The following ARHGEF10 variants were observed in gnomAD, a reference collection of about 807,000 sequenced individuals.
ARHGEF10 encodes Rho guanine nucleotide exchange factor (GEF) 10.
ARHGEF10 carries 140 observed loss-of-function variants against 147.4 expected under a neutral mutation model. The observed-to-expected ratio is 0.95, with a 90% confidence interval of 0.83 to 1.09. ARHGEF10 has a LOEUF of 1.09. Among genes scored for constraint, ARHGEF10 ranks in the 50% least tolerant of loss-of-function variants. The pLI, the probability that ARHGEF10 is intolerant of heterozygous loss-of-function variation, is 0.00. For missense variants in ARHGEF10, 2,222 were observed against 1,752.7 expected, an observed-to-expected ratio of 1.27 and a Z score of -4.78; for synonymous variants, 902 against 695.8, an observed-to-expected ratio of 1.30 and a Z score of -4.67.
At chr8:1,938,508 A>T (rs1192929015) in intron 26 of ARHGEF10, among the ~76,000 whole-genome samples, 1 of 152,228 alleles carries the variant, frequency 6.6e-6, no homozygotes, top group Admixed American at 6.5e-5. Flanking sequence ...GAAGGGAAAA[A>T]CAATGAAATA....
At chr8:1,951,404 A>G (rs891805227) in intron 27 of ARHGEF10, among the ~76,000 whole-genome samples, 1 of 152,260 alleles carries the variant, frequency 6.6e-6, no homozygotes, top group South Asian at 2.1e-4. Context: ...CCAGGCCAAC[A>G]TTCAGAATTC....
chr8:1,918,376 T>G (rs995318361), intron 18 of ARHGEF10, among the ~76,000 whole-genome samples: 2 of 151,966 alleles, frequency 1.3e-5, no homozygotes, highest in Non-Finnish European at 2.9e-5. Flanking sequence ...GTCGAGGAAC[T>G]CCTCCTCATC....
At chr8:1,856,380 T>C (rs1414245718) in intron 2 of ARHGEF10, among the ~76,000 whole-genome samples, 1 of 152,246 alleles carries the variant, frequency 6.6e-6, no homozygotes, top group African/African-American at 2.4e-5. Flanking sequence ...CAGTGGTAGC[T>C]GGATCCAGTT....
chr8:1,917,946 T>TA (rs547636955), intron 18 of ARHGEF10, among the ~76,000 whole-genome samples: 1 of 140,842 alleles, frequency 7.1e-6, no homozygotes, highest in Non-Finnish European at 1.5e-5. Flanking sequence ...GCCTGGCTAA[T>TA]TTTTTTTTTT....
chr8:1,898,161 C>G (rs1052507503), intron 14 of ARHGEF10, among the ~76,000 whole-genome samples: 2 of 152,176 alleles, frequency 1.3e-5, no homozygotes, highest in African/African-American at 4.8e-5. Context: ...AAGGACAGCC[C>G]CTGGAATCTG....
In ARHGEF10 at chr8:1,880,122, C is replaced by T. The variant is rs780738889; in HGVS notation, c.918C>T (p.Gly306=). 4.3e-6 allele frequency: 7 copies of T among 1,614,060 alleles called. No individual in the cohort carries two copies. The highest frequency in any genetic ancestry group is 5.9e-6 in the Non-Finnish European group (7 of 1,179,956). ...KMRDLMASTV[G]VVEIQQLRQK... ...GAGATTTGATGGCAAGCACGGTGGG[C>T]GTGGTGGAGATTCAGCAGCTCAGGC... The change falls in exon 9 of 29, where the codon GGC becomes GGT. Residue 306 remains glycine (G), a synonymous_variant. Transcript: ENST00000349830.
At chr8:1,847,241 A>G (rs916616303) in intron 2 of ARHGEF10, among the ~76,000 whole-genome samples, 2 of 152,156 alleles carry the variant, frequency 1.3e-5, no homozygotes. Context: ...GCAGCCTTCA[A>G]TTTCTGTCAT....
At chr8:1,850,630 G>A (rs1263347131) in intron 2 of ARHGEF10, among the ~76,000 whole-genome samples, 1 of 152,212 alleles carries the variant, frequency 6.6e-6, no homozygotes, top group East Asian at 1.9e-4. Flanking sequence ...GCGTGGGAGG[G>A]CAGTTTGGTG....
At chr8:1,881,216 G>C (rs1808165390) in intron 9 of ARHGEF10, among the ~76,000 whole-genome samples, 1 of 152,176 alleles carries the variant, frequency 6.6e-6, no homozygotes, top group African/African-American at 2.4e-5. Flanking sequence ...ACACCCCTGT[G>C]TCAGCCCTGA....
intron 12 of ARHGEF10, 32 bp downstream of exon 12, chr8:1,893,678 A>G (rs775779755): frequency 2.1e-6 from 3 of 1,405,906 alleles, no homozygotes; most frequent in Admixed American, 1.7e-5. Context: ...TAATACATAC[A>G]TTTCTATTAT....
At chr8:1,925,538 A>T (rs1812625368) in intron 22 of ARHGEF10, 134 bp downstream of exon 22, 2 of 1,260,268 alleles carry the variant, frequency 1.6e-6, no homozygotes, top group Admixed American at 5.0e-5. Context: ...CCGCTTCTCT[A>T]GAGGTCATTT....
At chr8:1,892,379 A>G (rs923715916) in intron 11 of ARHGEF10, among the ~76,000 whole-genome samples, 2 of 149,452 alleles carry the variant, frequency 1.3e-5, no homozygotes, top group Non-Finnish European at 3.0e-5. Flanking sequence ...TTTTTTTAAT[A>G]CATCAGTTTC....
chr8:1,846,944 G>T (rs886642249), intron 2 of ARHGEF10, among the ~76,000 whole-genome samples: 1 of 152,178 alleles, frequency 6.6e-6, no homozygotes, highest in Non-Finnish European at 1.5e-5. Flanking sequence ...GTATTTTCAG[G>T]CTGCTGCTCG....
At chr8:1,933,583 T>C (rs1813325969) in intron 25 of ARHGEF10, among the ~76,000 whole-genome samples, 2 of 151,174 alleles carry the variant, frequency 1.3e-5, no homozygotes, top group South Asian at 4.2e-4. Flanking sequence ...GAGGGCTGCG[T>C]GTCCCACAGC....
At chr8:1,950,299 G>C (rs1016074470) in intron 27 of ARHGEF10, among the ~76,000 whole-genome samples, 2 of 152,150 alleles carry the variant, frequency 1.3e-5, no homozygotes, top group African/African-American at 4.8e-5. Context: ...CCTGGATAGC[G>C]GCACTCACCG....
rs111291567 is a variant in ARHGEF10 at position 1,929,560 on chromosome 8, G to A, written c.3079+117G>A. On this transcript the variant is annotated intron_variant, in intron 25 of 28. Transcript: ENST00000349830. Reference sequence around the variant, plus strand: ...TCCTGCCTCCCGCCCCTGTGCCTCCGCCCCTGCGCTCGTCACCCTTGCCCA... The same window carrying A: ...TCCTGCCTCCCGCCCCTGTGCCTCCACCCCTGCGCTCGTCACCCTTGCCCA... 1.2e-5 allele frequency: 15 copies of A among 1,254,438 alleles called. No individual in the cohort carries two copies. In the African/African-American group the frequency reaches 1.3e-4, roughly 11 times the overall value. The allele number at this position is 1,254,438 out of a possible 1,614,324, so 77.7% of individuals were successfully genotyped here. A position where few individuals can be genotyped will look rare whatever the true frequency, so the allele number is the denominator to read the frequency against.
chr8:1,953,752 G>T (rs1447616320), intron 28 of ARHGEF10, among the ~76,000 whole-genome samples: 1 of 152,210 alleles, frequency 6.6e-6, no homozygotes, highest in African/African-American at 2.4e-5. Flanking sequence ...TGTGTGCAGA[G>T]CCTGCAGTGA....
chr8:1,828,210 G>A (rs56817920), intron 1 of ARHGEF10, among the ~76,000 whole-genome samples: 8,060 of 152,294 alleles, frequency 0.053, 221 homozygotes, highest in South Asian at 0.095. Context: ...CTGAGATCAC[G>A]TTCTTTGTTT....
chr8:1,830,757 G>A (rs1053895977), intron 1 of ARHGEF10, among the ~76,000 whole-genome samples: 12 of 152,148 alleles, frequency 7.9e-5, no homozygotes, highest in African/African-American at 2.9e-4. Context: ...AGGCATACAC[G>A]GGGCTACAAG....
Sources: gnomAD v4.1 joint callset for allele counts (sites outside exome capture counted in the v4.1 genomes callset) on GRCh38, gnomAD v4.1.1 for gene constraint, MANE v1.5 for transcripts, NCBI Gene and HGNC (gene_info 2026-07-23, HGNC 2026-07-21) for gene names.